KIAA1671: variants seen among roughly 807,000 people sequenced by gnomAD.
The protein encoded by KIAA1671 is uncharacterized protein KIAA1671.
A neutral mutation model predicts 131.2 loss-of-function variants in KIAA1671; 52 were observed. That is an observed-to-expected ratio of 0.40 (90% CI 0.32 to 0.50). KIAA1671 has a LOEUF of 0.50. Ranked by LOEUF, KIAA1671 falls within the 20% of genes least tolerant of loss-of-function variation. KIAA1671 has a pLI of 0.73. For synonymous variants in KIAA1671, 1,003 were observed against 961.6 expected, an observed-to-expected ratio of 1.04 and a Z score of -0.80; for missense variants, 2,360 against 2,364.2, an observed-to-expected ratio of 1.00 and a Z score of 0.04.
chr22:25,060,263 A>G lies in KIAA1671; in HGVS notation c.4530+10899A>G, dbSNP rs375873129. 3.9e-5 allele frequency: 6 copies of G among 152,036 alleles called. No homozygotes were observed. The East Asian group carries it at 1.2e-3, about 29-fold the overall frequency. 9.4% of individuals were successfully genotyped at this position (152,036 alleles called of 1,614,324 possible). A position where few individuals can be genotyped will look rare whatever the true frequency, so the allele number is the denominator to read the frequency against. Reference sequence around the variant, plus strand: ...AGTGGCATGGTCTTGGCTCACCGCAACCTCTGCTGCCTGAGTTCAAGTGAT... The same window carrying G: ...AGTGGCATGGTCTTGGCTCACCGCAGCCTCTGCTGCCTGAGTTCAAGTGAT... On this transcript the variant is annotated intron_variant, in intron 6 of 12. Coordinates refer to ENST00000358431, the MANE Select transcript of KIAA1671 (RefSeq NM_001145206.2).
chr22:25,017,224 A>T (rs2123884979), intron 1 of KIAA1671, among the ~76,000 whole-genome samples: 1 of 152,278 alleles, frequency 6.6e-6, no homozygotes, highest in East Asian at 1.9e-4. Context: ...CTCTACTAAA[A>T]ATACAAAAGT....
chr22:25,068,239 G>C (rs1928595403), intron 6 of KIAA1671, among the ~76,000 whole-genome samples: 1 of 152,366 alleles, frequency 6.6e-6, no homozygotes, highest in East Asian at 1.9e-4. Context: ...CCTTCTGACT[G>C]TGCTGCCAGT....
chr22:25,003,812 A>G (rs1319319385), intron 1 of KIAA1671, among the ~76,000 whole-genome samples: 2 of 151,670 alleles, frequency 1.3e-5, no homozygotes, highest in Non-Finnish European at 2.9e-5. Flanking sequence ...ATGTGCATCT[A>G]TATCAAATAG....
At chr22:25,065,146 C>A (rs1304178216) in intron 6 of KIAA1671, 1 of 152,262 alleles carries the variant, frequency 6.6e-6, no homozygotes, top group Non-Finnish European at 1.5e-5. Context: ...CAGCAAGCGG[C>A]GGCTGTATGG....
intron 1 of KIAA1671, among the ~76,000 whole-genome samples, chr22:24,966,525 T>C (rs184221747): frequency 1.1e-4 from 16 of 152,338 alleles, no homozygotes; most frequent in Non-Finnish European, 1.3e-4. Context: ...AGTTTGTCTT[T>C]CCCTTTCATT....
chr22:24,975,266 G>C (rs942165439), intron 1 of KIAA1671, among the ~76,000 whole-genome samples: 1 of 151,404 alleles, frequency 6.6e-6, no homozygotes, highest in African/African-American at 2.4e-5. Flanking sequence ...TAACTTAGCA[G>C]AATGTTTTTG....
intron 1 of KIAA1671, among the ~76,000 whole-genome samples, chr22:24,965,412 T>C (rs1198868417): frequency 6.7e-6 from 1 of 149,118 alleles, no homozygotes; most frequent in African/African-American, 2.5e-5. Flanking sequence ...TGAAACTCCG[T>C]TTAAAAAAAA....
chr22:25,040,145 T>G lies in KIAA1671; in HGVS notation c.3015T>G (p.Gly1005=), dbSNP rs372933070. ...YRVETQEVNP[G]ASRDQTSPAV... ...TGGAGACCCAGGAGGTGAACCCAGG[T>G]GCTTCACGGGACCAGACTTCCCCAG... Residue 1005 remains glycine (G), a synonymous_variant, in exon 5 of 13, where the codon GGT becomes GGG. Transcript: ENST00000358431. The G allele has an allele frequency of 1.2e-4, 191 of 1,551,670 alleles. 1 individual carries two copies. In the African/African-American group the frequency reaches 2.1e-3, roughly 17 times the overall value.
intron 6 of KIAA1671, among the ~76,000 whole-genome samples, chr22:25,071,321 A>AT (rs1928805525): frequency 6.6e-6 from 1 of 152,130 alleles, no homozygotes. Flanking sequence ...TGCCCAGAGA[A>AT]TTTTCCAGCG....
At chr22:25,174,610 G>C in intron 8 of KIAA1671, 121 bp downstream of exon 8, 1 of 1,168,404 alleles carries the variant, frequency 8.6e-7, no homozygotes, top group Non-Finnish European at 1.2e-6. Flanking sequence ...GGAGGGCACT[G>C]TCTTTGAAAT....
chr22:25,170,155 C>T (rs188562579), intron 6 of KIAA1671, among the ~76,000 whole-genome samples: 4 of 152,200 alleles, frequency 2.6e-5, no homozygotes, highest in South Asian at 4.2e-4. Context: ...CCTCGTGATC[C>T]GCCCACCTCG....
rs562648647 is a variant in KIAA1671, at chr22:25,159,423, G to A, written c.4531-11397G>A. On this transcript the variant is annotated intron_variant, in intron 6 of 12. Transcript: ENST00000358431. ...GAGTCCTAGTCTCCCTGGACGTCAG[G>A]TCCAGGGAGATACTGGGGGATCTGA... Among the ~76,000 whole-genome samples, 5 of 152,270 alleles carry A rather than the reference G, an allele frequency of 3.3e-5. No homozygotes were observed. The East Asian group carries it at 5.8e-4, about 18-fold the overall frequency.
chr22:25,047,146 C>CT, intron 5 of KIAA1671, among the ~76,000 whole-genome samples: 1 of 115,618 alleles, frequency 8.6e-6, no homozygotes, highest in Non-Finnish European at 1.7e-5. Flanking sequence ...AATTTTTTTT[C>CT]TTTTCTTTTT....
intron 8 of KIAA1671, 74 bp downstream of exon 8, chr22:25,174,563 G>A (rs1370939792): frequency 4.1e-6 from 6 of 1,449,374 alleles, no homozygotes; most frequent in Non-Finnish European, 5.5e-6. Flanking sequence ...CACTTCAGGT[G>A]TAGGATCTGT....
At chr22:25,043,014 C>T (rs1927033457) in intron 5 of KIAA1671, among the ~76,000 whole-genome samples, 1 of 150,416 alleles carries the variant, frequency 6.6e-6, no homozygotes, top group Non-Finnish European at 1.5e-5. Context: ...CAGACTTTTC[C>T]ATCCTGGCTG....
chr22:25,049,153 A>G lies in KIAA1671; in HGVS notation c.4396-77A>G. The G allele has an allele frequency of 2.0e-6, 3 of 1,492,030 alleles. No individual in the cohort carries two copies. In the South Asian group the frequency reaches 3.8e-5, roughly 19 times the overall value. 92.4% of individuals were successfully genotyped at this position (1,492,030 alleles called of 1,614,324 possible). ...CTTTGCCCTTTTTGGTACAGAATGG[A>G]CTCTTGGCATAATATATTTTTTCCT... On this transcript the variant is annotated intron_variant, in intron 5 of 12. Coordinates refer to ENST00000358431, the MANE Select transcript of KIAA1671 (RefSeq NM_001145206.2).
chr22:25,046,651 A>T (rs1602096415), intron 5 of KIAA1671, among the ~76,000 whole-genome samples: 1 of 152,150 alleles, frequency 6.6e-6, no homozygotes, highest in East Asian at 1.9e-4. Flanking sequence ...CCTTTTTTTT[A>T]AATTCCTTTT....
At chr22:25,005,604 CA>C in intron 1 of KIAA1671, among the ~76,000 whole-genome samples, 1 of 152,162 alleles carries the variant, frequency 6.6e-6, no homozygotes, top group Non-Finnish European at 1.5e-5. Flanking sequence ...TTCATTAACC[CA>C]AGACCTCTAC....
chr22:25,029,322 C>T lies in KIAA1671; in HGVS notation c.1323C>T (p.Ile441=), dbSNP rs1926138526. Residue 441 remains isoleucine (I), a synonymous_variant, in exon 3 of 13, where the codon ATC becomes ATT. Transcript: ENST00000358431. ...CCAGGAGGAGTGTCAGGAAGTGCAT[C>T]AGCCTGTTTCGGGAGGACAGCACCT... The part of the protein sequence containing the change: ...WASRRSVRKC[I]SLFREDSTLA... 5.2e-6 allele frequency: 8 copies of T among 1,544,060 alleles called. No homozygotes were observed. The highest frequency in any genetic ancestry group is 5.3e-6 in the Non-Finnish European group (6 of 1,142,714).
Sources: allele counts gnomAD v4.1 joint callset (sites outside exome capture counted in the v4.1 genomes callset), GRCh38; gene constraint gnomAD v4.1.1; transcripts MANE v1.5; gene names NCBI Gene and HGNC (gene_info 2026-07-23, HGNC 2026-07-21).